Variants in C11orf58 observed in about 807,000 individuals in gnomAD.
C11orf58 encodes the protein chromosome 11 open reading frame 58, also known as small acidic protein.
In C11orf58, 5 loss-of-function variants were observed where a neutral mutation model predicts 22.7. That is an observed-to-expected ratio of 0.22 (90% confidence interval 0.12 to 0.46). C11orf58 has a LOEUF of 0.46. Ranked by LOEUF, C11orf58 falls within the 20% of genes least tolerant of loss-of-function variation. The pLI, the probability that C11orf58 is intolerant of heterozygous loss-of-function variation, is 0.99. For synonymous variants in C11orf58, 71 were observed against 70.7 expected, an observed-to-expected ratio of 1.00 and a Z score of -0.02; for missense variants, 151 against 223.3, an observed-to-expected ratio of 0.68 and a Z score of 2.06.
In C11orf58 at chr11:16,748,153, A is replaced by C; in HGVS notation, c.204A>C (p.Arg68=). ...IGDHKSTSHF[R]TGEEDKKINE... ...ATCACAAATCAACATCTCACTTCCG[A>C]ACCGGTAAGAAAGTAAAGTGTAATT... is the stretch of plus-strand genomic sequence containing the variant. Residue 68 remains arginine, a synonymous_variant, in exon 3 of 5, where the codon CGA becomes CGC. Coordinates refer to ENST00000228136, the MANE Select transcript of C11orf58 (RefSeq NM_014267.6). The C allele has an allele frequency of 6.2e-7, 1 of 1,610,350 alleles. No homozygotes were observed. Among genetic ancestry groups the C allele is most frequent in the Non-Finnish European group, 8.5e-7 (1 of 1,176,744 alleles).
rs907792725 is a variant in C11orf58 at position 16,755,380 on chromosome 11, T to A, written c.*276T>A. 11 of 239,600 alleles carry A rather than the reference T, an allele frequency of 4.6e-5. No individual in the cohort carries two copies. Among genetic ancestry groups the A allele is most frequent in the African/African-American group, 2.5e-4 (11 of 44,290 alleles). 14.8% of individuals were successfully genotyped at this position (239,600 alleles called of 1,614,324 possible). A position where few individuals can be genotyped will look rare whatever the true frequency, so the allele number is the denominator to read the frequency against. ...ATCATCAACCCTCTAATTCACCTTA[T>A]GGGGGAAATGCTTCTTTTTGTTTGT... On this transcript the variant is annotated 3_prime_UTR_variant, in exon 5 of 5. Coordinates refer to ENST00000228136, the MANE Select transcript of C11orf58 (RefSeq NM_014267.6).
At position 16,757,512 on chromosome 11, in the gene C11orf58, A is replaced by G. The variant is rs1429738640; in HGVS notation, c.*2408A>G. ...CATGTGGCCTGGTTTCCTAGCACCC[A>G]TTAAACATAATGCTATCTTTTAAGC... On this transcript the variant is annotated 3_prime_UTR_variant, in exon 5 of 5. Transcript: ENST00000228136. Among the ~76,000 whole-genome samples the G allele has an allele frequency of 6.6e-6, 1 of 152,222 alleles. No homozygotes were observed. The highest frequency in any genetic ancestry group is 1.5e-5 in the Non-Finnish European group (1 of 68,036).
rs1209983141 is a variant in C11orf58 at position 16,758,176 on chromosome 11, A to G, written c.*3072A>G. Among the ~76,000 whole-genome samples the G allele has an allele frequency of 1.3e-5, 2 of 152,182 alleles. No individual in the cohort carries two copies. Among genetic ancestry groups the G allele is most frequent in the African/African-American group, 4.8e-5 (2 of 41,420 alleles). On this transcript the variant is annotated 3_prime_UTR_variant, in exon 5 of 5. Transcript: ENST00000228136. ...GTTTCCACCTCTGTAAGTCCTATCTAGGCTTCCTGATCTATCAATTCAGTA... is the reference window on the plus strand; with the variant it reads ...GTTTCCACCTCTGTAAGTCCTATCTGGGCTTCCTGATCTATCAATTCAGTA...
At chr11:16,749,259 A>C (rs192631222) in intron 3 of C11orf58, 25 of 152,358 alleles carry the variant, frequency 1.6e-4, no homozygotes, top group African/African-American at 5.3e-4. Context: ...GATTATGTTT[A>C]ACAAAACTTT....
intron 1 of C11orf58, among the ~76,000 whole-genome samples, chr11:16,741,877 G>A (rs1848450902): frequency 6.6e-6 from 1 of 152,206 alleles, no homozygotes; most frequent in South Asian, 2.1e-4. Context: ...ACATTATGGT[G>A]AGTTGTATAA....
intron 4 of C11orf58, chr11:16,754,060 T>C (rs1226414934): frequency 2.4e-6 from 1 of 413,886 alleles, no homozygotes; most frequent in South Asian, 8.6e-5. Context: ...TTCATTTAGG[T>C]TTAAAATAAT....
Position 16,738,709 on chromosome 11 carries a change from A to T in C11orf58, c.-70A>T. On this transcript the variant is annotated 5_prime_UTR_variant, in exon 1 of 5. Transcript: ENST00000228136. ...GCTGCTTGGGCCCTTGGCGGATTGT[A>T]AGCTGCTGGTTTTGCGGCTGGGAAG... The T allele has an allele frequency of 6.5e-7, 1 of 1,550,218 alleles. No individual in the cohort carries two copies.
rs1358640971 is a variant in C11orf58 at position 16,757,524 on chromosome 11, G to GCTAT, written c.*2423_*2426dup. 2.0e-5 allele frequency among the ~76,000 whole-genome samples: 3 copies of GCTAT among 152,156 alleles called. No homozygotes were observed. Among genetic ancestry groups the GCTAT allele is most frequent in the African/African-American group, 7.2e-5 (3 of 41,436 alleles). ...TTTCCTAGCACCCATTAAACATAAT[G>GCTAT]CTATCTTTTAAGCCTGAACATGTGG... On this transcript the variant is annotated 3_prime_UTR_variant, in exon 5 of 5. Coordinates refer to ENST00000228136, the MANE Select transcript of C11orf58 (RefSeq NM_014267.6).
intron 3 of C11orf58, 35 bp from the exon 4 acceptor site, chr11:16,752,750 G>A (rs1848543123): frequency 7.0e-7 from 1 of 1,435,608 alleles, no homozygotes; most frequent in South Asian, 1.2e-5. Flanking sequence ...TTATTAATTT[G>A]ACTGAAACAT....
intron 4 of C11orf58, 147 bp downstream of exon 4, chr11:16,753,041 A>T: frequency 1.7e-6 from 1 of 584,364 alleles, no homozygotes; most frequent in Non-Finnish European, 3.0e-6. Flanking sequence ...TATATGCCCT[A>T]CTGGTCTTGT....
intron 3 of C11orf58, chr11:16,752,555 G>A: frequency 3.5e-6 from 1 of 285,316 alleles, no homozygotes; most frequent in Non-Finnish European, 6.4e-6. Context: ...TTATAAGTAA[G>A]CTAAAACATT....
intron 3 of C11orf58, chr11:16,749,251 TTA>T (rs1372546912): frequency 6.6e-6 from 1 of 152,216 alleles, no homozygotes; most frequent in East Asian, 1.9e-4. Context: ...TTGACCTAGA[TTA>T]TGTTTAACAA....
intron 1 of C11orf58, among the ~76,000 whole-genome samples, chr11:16,742,519 A>AG (rs766350914): frequency 2.6e-5 from 4 of 152,170 alleles, no homozygotes; most frequent in South Asian, 2.1e-4. Flanking sequence ...AAAATATATG[A>AG]GGGGGGTCAC....
chr11:16,741,322 G>A (rs562154785), intron 1 of C11orf58, among the ~76,000 whole-genome samples: 17 of 152,264 alleles, frequency 1.1e-4, no homozygotes, highest in African/African-American at 3.6e-4. Flanking sequence ...ACCAGGTTAT[G>A]TATTGAGGAG....
chr11:16,747,613 G>A (rs1438743933), intron 2 of C11orf58: 2 of 152,454 alleles, frequency 1.3e-5, no homozygotes, highest in African/African-American at 4.8e-5. Context: ...GTGATATACT[G>A]TAATAAGATC....
At chr11:16,754,725 T>C in intron 4 of C11orf58, 146 bp from the exon 5 acceptor site, 1 of 1,346,640 alleles carries the variant, frequency 7.4e-7, no homozygotes, top group Non-Finnish European at 1.0e-6. Flanking sequence ...CAGAGCTCTT[T>C]CTTAAAATTC....
intron 1 of C11orf58, chr11:16,739,331 C>G (rs946640741): frequency 1.2e-5 from 2 of 169,928 alleles, no homozygotes; most frequent in East Asian, 3.0e-4. Flanking sequence ...AAGGGTAAAC[C>G]GAGAACAGTA....
rs1486608238 is a variant in C11orf58, at chr11:16,757,832, A to G, written c.*2728A>G. 6.6e-6 allele frequency among the ~76,000 whole-genome samples: 1 copy of G among 152,256 alleles called. No individual in the cohort carries two copies. Among genetic ancestry groups the G allele is most frequent in the Non-Finnish European group, 1.5e-5 (1 of 68,046 alleles). On this transcript the variant is annotated 3_prime_UTR_variant, in exon 5 of 5. Coordinates refer to ENST00000228136, the MANE Select transcript of C11orf58 (RefSeq NM_014267.6). ...GCAATGTTGTTTGTATTCATAGGCA[A>G]AAGTCCTCTTCTCTAGTATAATTTT... is the stretch of plus-strand genomic sequence containing the variant.
chr11:16,738,836 G>A lies in C11orf58; in HGVS notation c.58G>A (p.Asp20Asn), dbSNP rs1304801806. The change falls in exon 1 of 5, where the codon GAC becomes AAC. Residue 20 changes from aspartate (D) to asparagine (N), a missense_variant. Coordinates refer to ENST00000228136, the MANE Select transcript of C11orf58 (RefSeq NM_014267.6). Reference protein sequence around the residue: ...HGVKRSASPDDDLGSSNWEAA... With the variant: ...HGVKRSASPDNDLGSSNWEAA... ...GGTGAAGCGTTCAGCCTCCCCAGAC[G>A]ACGATGTAAATAATAATGGCGGAGT... The A allele has an allele frequency of 6.2e-7, 1 of 1,614,104 alleles. No individual in the cohort carries two copies. Among genetic ancestry groups the A allele is most frequent in the Admixed American group, 1.7e-5 (1 of 60,026 alleles).
Sources: allele counts gnomAD v4.1 joint callset (sites outside exome capture counted in the v4.1 genomes callset), GRCh38; gene constraint gnomAD v4.1.1; transcripts MANE v1.5; gene names NCBI Gene and HGNC (gene_info 2026-07-23, HGNC 2026-07-21).